CTTN: variants seen among roughly 807,000 people sequenced by gnomAD.
The protein encoded by CTTN is src substrate cortactin.
A neutral mutation model predicts 84.0 loss-of-function variants in CTTN; 28 were observed. The observed-to-expected ratio is 0.33, with a 90% CI of 0.25 to 0.46. The LOEUF (loss-of-function observed/expected upper bound fraction) is 0.46. Ranked by LOEUF, CTTN falls within the 20% of genes least tolerant of loss-of-function variation. CTTN has a pLI of 1.00. For missense variants in CTTN, 641 were observed against 723.8 expected (o/e 0.89, Z 1.31); for synonymous variants, 301 against 288.8 (o/e 1.04, Z -0.43).
intron 14 of CTTN, among the ~76,000 whole-genome samples, chr11:70,430,240 T>C (rs12787413): frequency 0.19 from 29,241 of 152,172 alleles, 3,087 homozygotes; most frequent in Admixed American, 0.25. Flanking sequence ...CCTGGGCAGC[T>C]CCCTGGCCAG....
In CTTN at chr11:70,434,103, C is replaced by G. The variant is rs1246973947; in HGVS notation, c.1516+385C>G. Among the ~76,000 whole-genome samples, 3 of 152,342 alleles carry G rather than the reference C, an allele frequency of 2.0e-5. No individual in the cohort carries two copies. The South Asian group carries it at 6.2e-4, about 32-fold the overall frequency. On this transcript the variant is annotated intron_variant, in intron 17 of 17. Coordinates refer to ENST00000301843, the MANE Select transcript of CTTN (RefSeq NM_005231.4). ...TGTTCGAGACCCCATTCCTGCCTGTCCTGCCCCGGCCGCCAGCTCCCGTGT... is the reference window on the plus strand; with the variant it reads ...TGTTCGAGACCCCATTCCTGCCTGTGCTGCCCCGGCCGCCAGCTCCCGTGT...
intron 9 of CTTN, 34 bp downstream of exon 9, chr11:70,419,890 A>T: frequency 6.5e-7 from 1 of 1,542,232 alleles, no homozygotes; most frequent in Non-Finnish European, 8.9e-7. Flanking sequence ...TCCAGCCAGC[A>T]GCTAGTAATG....
chr11:70,436,334 A>G lies in CTTN; in HGVS notation c.*1172A>G. 6.3e-7 allele frequency: 1 copy of G among 1,598,160 alleles called. No homozygotes were observed. The highest frequency in any genetic ancestry group is 8.5e-7 in the Non-Finnish European group (1 of 1,179,756). Reference sequence around the variant, plus strand: ...GGAGGCTGGACCAGTCCCGTCGTGCAGTCAGGTGGGCGGTGTGTCTTTCCA... The same window carrying G: ...GGAGGCTGGACCAGTCCCGTCGTGCGGTCAGGTGGGCGGTGTGTCTTTCCA... On this transcript the variant is annotated 3_prime_UTR_variant, in exon 18 of 18. Transcript: ENST00000301843.
At position 70,435,661 on chromosome 11, in the gene CTTN, G is replaced by A. The variant is rs367662526; in HGVS notation, c.*499G>A. The A allele has an allele frequency of 1.8e-5, 29 of 1,596,818 alleles. No individual in the cohort carries two copies. In the African/African-American group the frequency reaches 1.9e-4, roughly 10 times the overall value. ...GACTGGGCCTGATGGAAGTTAACCC[G>A]GAGCTAAGTCACCCAGAGCACAGGA... On this transcript the variant is annotated 3_prime_UTR_variant, in exon 18 of 18. Coordinates refer to ENST00000301843, the MANE Select transcript of CTTN (RefSeq NM_005231.4).
chr11:70,435,031 G>A lies in CTTN; in HGVS notation c.1522G>A (p.Asp508Asn), dbSNP rs369658947. ...VALYDYQAAG[D>N]DEISFDPDDI... ...CTCTGTGTTCTCTTCCCCAGCGGGC[G>A]ATGATGAGATCTCATTTGACCCTGA... Residue 508 changes from aspartate (D) to asparagine (N), a missense_variant, in exon 18 of 18, where the codon GAT (aspartate) becomes AAT (asparagine). Physicochemically the swap from Asp to Asn is conservative, Grantham distance 23. Around this residue, in one of 3 missense-constraint regions of CTTN, gnomAD observed 68 missense variants for 102.2 expected, o/e 0.67. Coordinates refer to ENST00000301843, the MANE Select transcript of CTTN (RefSeq NM_005231.4). 2 of 1,613,930 alleles carry A rather than the reference G, an allele frequency of 1.2e-6. No homozygotes were observed. Among genetic ancestry groups the A allele is most frequent in the Non-Finnish European group, 8.5e-7 (1 of 1,179,998 alleles).
intron 5 of CTTN, among the ~76,000 whole-genome samples, chr11:70,411,533 G>A (rs1457167349): frequency 5.9e-5 from 9 of 152,252 alleles, no homozygotes; most frequent in Admixed American, 5.2e-4. Context: ...CTGTGCTTAG[G>A]GGGCTTGTGG....
intron 15 of CTTN, among the ~76,000 whole-genome samples, chr11:70,432,900 G>A (rs878989384): frequency 6.6e-6 from 1 of 152,302 alleles, no homozygotes; most frequent in South Asian, 2.1e-4. Context: ...TCATCATCGG[G>A]AAGGAAATGG....
Position 70,429,064 on chromosome 11 carries a change from A to G in CTTN, c.1041A>G (p.Thr347=). The change falls in exon 14 of 18, where the codon ACA becomes ACG. Residue 347 remains threonine, a synonymous_variant. Coordinates refer to ENST00000301843, the MANE Select transcript of CTTN (RefSeq NM_005231.4). ...TVPVEAVTSK[T]SNIRANFENL... is the part of the protein sequence containing the mutation. ...CTTCCTCTATAGTGACCAGCAAAAC[A>G]AGTAACATCAGAGCTAACTTTGAAA... 1 of 1,614,236 alleles carries G rather than the reference A, an allele frequency of 6.2e-7. No individual in the cohort carries two copies. The highest frequency in any genetic ancestry group is 8.5e-7 in the Non-Finnish European group (1 of 1,180,040).
rs1318668072 is a variant in CTTN, at chr11:70,436,072, G to A, written c.*910G>A. Reference sequence around the variant, plus strand: ...ATGGCCTCTCGGCCTTGGGAAGGAAGGCAGTGCCTGCTCTGCTGTGAGCCG... The same window carrying A: ...ATGGCCTCTCGGCCTTGGGAAGGAAAGCAGTGCCTGCTCTGCTGTGAGCCG... On this transcript the variant is annotated 3_prime_UTR_variant, in exon 18 of 18. Coordinates refer to ENST00000301843, the MANE Select transcript of CTTN (RefSeq NM_005231.4). 3 of 1,424,776 alleles carry A rather than the reference G, an allele frequency of 2.1e-6. No homozygotes were observed. Among genetic ancestry groups the A allele is most frequent in the South Asian group, 3.1e-5 (2 of 65,522 alleles). 88.3% of individuals were successfully genotyped at this position (1,424,776 alleles called of 1,614,324 possible). A position where few individuals can be genotyped will look rare whatever the true frequency, so the allele number is the denominator to read the frequency against.
rs187013174 is a variant in CTTN, at chr11:70,430,885, C to T, written c.1177-306C>T. Among the ~76,000 whole-genome samples the T allele has an allele frequency of 3.3e-3, 501 of 150,864 alleles. 6 individuals carry two copies. The highest frequency in any genetic ancestry group is 0.011 in the African/African-American group (470 of 40,992). On this transcript the variant is annotated intron_variant, in intron 14 of 17. Transcript: ENST00000301843. ...ATCTCGGCCTCAGAGCACACCTGCC[C>T]CTCGAATCCTGCCTAGGTGCTGGTG...
intron 1 of CTTN, among the ~76,000 whole-genome samples, chr11:70,401,962 A>G (rs1446892582): frequency 6.6e-6 from 1 of 152,046 alleles, no homozygotes; most frequent in Non-Finnish European, 1.5e-5. Flanking sequence ...ATCAGCCTGG[A>G]CCAACATAAT....
intron 9 of CTTN, 101 bp downstream of exon 9, chr11:70,419,957 A>T: frequency 1.2e-6 from 1 of 829,942 alleles, no homozygotes; most frequent in Non-Finnish European, 1.9e-6. Flanking sequence ...ATAGCCCTTA[A>T]CGTAGATGTC....
At chr11:70,417,863 A>C (rs551344714) in intron 8 of CTTN, among the ~76,000 whole-genome samples, 2 of 152,214 alleles carry the variant, frequency 1.3e-5, no homozygotes, top group African/African-American at 4.8e-5. Flanking sequence ...AAAAGAATCA[A>C]CTCCTAGACA....
intron 13 of CTTN, among the ~76,000 whole-genome samples, chr11:70,427,857 A>G (rs1416674787): frequency 1.3e-5 from 2 of 152,092 alleles, no homozygotes; most frequent in Non-Finnish European, 2.9e-5. Context: ...GCAGCCTCAC[A>G]TTTTTCAAAA....
At chr11:70,426,369 C>G (rs575415487) in intron 13 of CTTN, among the ~76,000 whole-genome samples, 2 of 150,880 alleles carry the variant, frequency 1.3e-5, no homozygotes, top group African/African-American at 4.9e-5. Context: ...GGAGTTTGCG[C>G]CACTGCACTC....
chr11:70,425,612 GCCGTTTCAGTGGGGC>G (rs2058292096), intron 13 of CTTN, among the ~76,000 whole-genome samples: 1 of 152,240 alleles, frequency 6.6e-6, no homozygotes, highest in Admixed American at 6.5e-5. Context: ...GCATGGTGCA[GCCGTTTCAGTGGGGC>G]CCGTTTCAAG....
chr11:70,403,408 C>T (rs1422901555), intron 1 of CTTN, among the ~76,000 whole-genome samples: 3 of 151,924 alleles, frequency 2.0e-5, no homozygotes, highest in Non-Finnish European at 4.4e-5. Flanking sequence ...AGGATGGTCT[C>T]GATCTCTTGA....
intron 4 of CTTN, chr11:70,407,867 C>T (rs766241826): frequency 5.1e-5 from 21 of 415,164 alleles, no homozygotes; most frequent in South Asian, 8.3e-5. Flanking sequence ...TTAGAGTGTC[C>T]GCTTCTCAGT....
In CTTN at chr11:70,416,055, G is replaced by C. The variant is rs1356632249; in HGVS notation, c.457+338G>C. 5 of 287,784 alleles carry C rather than the reference G, an allele frequency of 1.7e-5. No individual in the cohort carries two copies. In the East Asian group the frequency reaches 3.5e-4, roughly 20 times the overall value. 17.8% of individuals were successfully genotyped at this position (287,784 alleles called of 1,614,324 possible). A position where few individuals can be genotyped will look rare whatever the true frequency, so the allele number is the denominator to read the frequency against. Reference sequence around the variant, plus strand: ...CTCCTCCTGGAAAAGAGAGCTCACAGATTGATCGGCAGAAAGCTAACTTCC... The same window carrying C: ...CTCCTCCTGGAAAAGAGAGCTCACACATTGATCGGCAGAAAGCTAACTTCC... On this transcript the variant is annotated intron_variant, in intron 7 of 17. Transcript: ENST00000301843.
Sources: gnomAD v4.1 joint callset for allele counts (sites outside exome capture counted in the v4.1 genomes callset) on GRCh38, gnomAD v4.1.1 for gene constraint, gnomAD v4.1.1 regional missense constraint, MANE v1.5 for transcripts, NCBI Gene and HGNC (gene_info 2026-07-23, HGNC 2026-07-21) for gene names.